The following ANO4 variants were observed in gnomAD, a reference collection of about 807,000 sequenced individuals.
ANO4 encodes the protein anoctamin-4.
A neutral mutation model predicts 141.9 loss-of-function variants in ANO4; 69 were observed. The ratio of observed to expected loss-of-function variants is 0.49; its 90% CI spans 0.40 to 0.59. ANO4 has a LOEUF of 0.59. Among genes scored for constraint, ANO4 ranks in the 20% least tolerant of loss-of-function variants. The probability of loss-of-function intolerance (pLI) is 0.00; values close to 1 mark genes in which losing one functional copy is unlikely to be tolerated. For synonymous variants in ANO4, 350 were observed against 394.3 expected (o/e 0.89, Z 1.33); for missense variants, 894 against 1,162.2 (o/e 0.77, Z 3.36).
rs11110659 is a variant in ANO4, at chr12:101,108,981, T to C, written c.2150-1423T>C. Among the ~76,000 whole-genome samples, 170 of 152,322 alleles carry C rather than the reference T, an allele frequency of 1.1e-3. 3 individuals carry two copies. In the East Asian group the frequency reaches 0.025, roughly 22 times the overall value. On this transcript the variant is annotated intron_variant, in intron 22 of 27. Transcript: ENST00000392977. ...TTCACAATACTTCCAAGATCCAGCA[T>C]TGCATTTAGATATGTTGTCTCCTTA...
chr12:100,807,168 C>G (rs2035107617), intron 1 of ANO4, among the ~76,000 whole-genome samples: 2 of 152,174 alleles, frequency 1.3e-5, no homozygotes, highest in Admixed American at 6.5e-5. Context: ...CTACCTAGTT[C>G]TCTCCAAACA....
chr12:100,886,301 G>A (rs760521901), intron 1 of ANO4, among the ~76,000 whole-genome samples: 9 of 146,670 alleles, frequency 6.1e-5, no homozygotes, highest in Non-Finnish European at 1.3e-4. Context: ...ACTACATCCA[G>A]TGTAGCATAT....
chr12:100,750,661 C>T (rs1427574396), intron 3 of ANO4, among the ~76,000 whole-genome samples: 1 of 152,144 alleles, frequency 6.6e-6, no homozygotes, highest in Non-Finnish European at 1.5e-5. Context: ...CAAAACAGTA[C>T]TCTATAAAGA....
chr12:100,775,576 A>C (rs2033473905), intron 3 of ANO4, among the ~76,000 whole-genome samples: 1 of 152,200 alleles, frequency 6.6e-6, no homozygotes, highest in Non-Finnish European at 1.5e-5. Context: ...TCAGAATCTC[A>C]AGTATCTCAC....
chr12:100,790,155 T>G (rs1457881849), upstream of ANO4, among the ~76,000 whole-genome samples: 1 of 152,126 alleles, frequency 6.6e-6, no homozygotes, highest in Non-Finnish European at 1.5e-5. Flanking sequence ...CTGTGGGGAA[T>G]AGCAACAGGT....
intron 1 of ANO4, among the ~76,000 whole-genome samples, chr12:100,833,171 A>G (rs904219796): frequency 6.6e-6 from 1 of 152,140 alleles, no homozygotes; most frequent in African/African-American, 2.4e-5. Flanking sequence ...AAATGAAAAA[A>G]TGTAACTTAT....
Position 100,956,453 on chromosome 12 carries a change from C to T in ANO4, c.456+13918C>T, listed in dbSNP as rs142094745. On this transcript the variant is annotated intron_variant, in intron 5 of 27. Coordinates refer to ENST00000392977, the MANE Select transcript of ANO4 (RefSeq NM_001286615.2). ...TACACATGATTTTCCTTGACCTTAG[C>T]AGTCCAGCAGGCAGGAAAGAAAAGT... Among the ~76,000 whole-genome samples the T allele has an allele frequency of 2.2e-4, 33 of 152,296 alleles. No individual in the cohort carries two copies. In the East Asian group the frequency reaches 6.2e-3, roughly 28 times the overall value.
chr12:100,989,446 G>A (rs2044935551), intron 8 of ANO4, among the ~76,000 whole-genome samples: 1 of 152,204 alleles, frequency 6.6e-6, no homozygotes, highest in Non-Finnish European at 1.5e-5. Context: ...GGTTTTCCCT[G>A]TGCTTCTACC....
intron 7 of ANO4, among the ~76,000 whole-genome samples, chr12:100,980,215 T>C (rs776971933): frequency 4.6e-5 from 7 of 152,228 alleles, no homozygotes; most frequent in Non-Finnish European, 7.3e-5. Context: ...ACGAAGGTAG[T>C]TGATTCAGAA....
chr12:100,929,781 G>A (rs540374864), intron 3 of ANO4, among the ~76,000 whole-genome samples: 1 of 152,152 alleles, frequency 6.6e-6, no homozygotes, highest in South Asian at 2.1e-4. Context: ...AGTTGTTATT[G>A]CCTGTCTTTT....
chr12:101,027,313 C>T (rs2046782635), intron 9 of ANO4, among the ~76,000 whole-genome samples: 1 of 152,240 alleles, frequency 6.6e-6, no homozygotes, highest in Non-Finnish European at 1.5e-5. Context: ...AACAACCTCT[C>T]AGCTGGAATC....
rs745812557 is a variant in ANO4, at chr12:101,037,145, C to A, written c.892C>A (p.His298Asn). Residue 298 changes from histidine (H) to asparagine (N), a missense_variant, in exon 10 of 28, where the codon CAT (histidine) becomes AAT (asparagine). By Grantham distance (68) the His-to-Asn change is moderately conservative. This residue lies in a region of ANO4 where 637 missense variants were observed against 909.2 expected (regional missense o/e 0.70). Transcript: ENST00000392977. Reference protein sequence around the residue: ...NGSYEAAFPLHEGSYRSKNSI... With the variant: ...NGSYEAAFPLNEGSYRSKNSI... ...CTCCTATGAAGCTGCGTTTCCCCTGCATGAGGTATTGTGCTGTCTTTAATC... is the reference window on the plus strand; with the variant it reads ...CTCCTATGAAGCTGCGTTTCCCCTGAATGAGGTATTGTGCTGTCTTTAATC... 6.2e-7 allele frequency: 1 copy of A among 1,613,830 alleles called. No individual in the cohort carries two copies. The highest frequency in any genetic ancestry group is 8.5e-7 in the Non-Finnish European group (1 of 1,179,872).
At chr12:100,866,528 A>G (rs886643136) in intron 1 of ANO4, among the ~76,000 whole-genome samples, 3 of 152,156 alleles carry the variant, frequency 2.0e-5, no homozygotes, top group African/African-American at 7.2e-5. Flanking sequence ...ATGTTGTATC[A>G]GCAACCCAGC....
intron 14 of ANO4, among the ~76,000 whole-genome samples, chr12:101,064,523 G>A (rs1171900762): frequency 6.6e-6 from 1 of 152,056 alleles, no homozygotes; most frequent in Non-Finnish European, 1.5e-5. Flanking sequence ...TTGATGGGTG[G>A]GAGGCTAGGG....
chr12:100,989,551 G>GTGGATGGATGGATGGA (rs377197749), intron 8 of ANO4, among the ~76,000 whole-genome samples: 1 of 144,538 alleles, frequency 6.9e-6, no homozygotes, highest in Non-Finnish European at 1.5e-5. Flanking sequence ...GGGTGGGTGG[G>GTGGATGGATGGATGGA]TGGATGGATG....
chr12:100,911,067 T>C (rs1215529859), intron 2 of ANO4, among the ~76,000 whole-genome samples: 1 of 152,192 alleles, frequency 6.6e-6, no homozygotes, highest in African/African-American at 2.4e-5. Context: ...AGGCATTAAA[T>C]GCATAGTTTG....
intron 3 of ANO4, among the ~76,000 whole-genome samples, chr12:100,772,492 T>C (rs150553107): frequency 5.7e-4 from 87 of 152,240 alleles, no homozygotes; most frequent in African/African-American, 2.0e-3. Flanking sequence ...AGGGAGTCCA[T>C]GTGGCATAGT....
chr12:100,766,589 TGTG>T (rs1483877115), intron 3 of ANO4, among the ~76,000 whole-genome samples: 1 of 152,164 alleles, frequency 6.6e-6, no homozygotes, highest in African/African-American at 2.4e-5. Context: ...TTTATACTAT[TGTG>T]GTATAAAAGA....
chr12:100,955,394 G>A (rs570055201), intron 5 of ANO4, among the ~76,000 whole-genome samples: 2 of 152,188 alleles, frequency 1.3e-5, no homozygotes, highest in Non-Finnish European at 2.9e-5. Flanking sequence ...TGGGCTGTGG[G>A]CCTCTTCACA....
Sources: allele counts gnomAD v4.1 joint callset (sites outside exome capture counted in the v4.1 genomes callset), GRCh38; gene constraint gnomAD v4.1.1; regional missense constraint gnomAD v4.1.1; transcripts MANE v1.5; gene names NCBI Gene and HGNC (gene_info 2026-07-23, HGNC 2026-07-21).